Variants in SGSM1 observed in about 807,000 individuals in gnomAD.
The protein encoded by SGSM1 is small G protein signaling modulator 1.
SGSM1 carries 73 observed loss-of-function variants against 133.8 expected under a neutral mutation model. The ratio of observed to expected loss-of-function variants is 0.55; its 90% CI spans 0.45 to 0.66. The LOEUF (loss-of-function observed/expected upper bound fraction) is 0.66, where lower values mean the gene tolerates loss of function less well. SGSM1 is among the 30% of genes least tolerant of loss of function. The pLI, the probability that SGSM1 is intolerant of heterozygous loss-of-function variation, is 0.00. For synonymous variants in SGSM1, 563 were observed against 573.0 expected (o/e 0.98, Z 0.25); for missense variants, 1,213 against 1,448.1 (o/e 0.84, Z 2.64).
In SGSM1 at chr22:24,924,357, C is replaced by A; in HGVS notation, c.*83C>A. The stretch of plus-strand genomic sequence containing the variant: ...CTTTTCCTCCTGGCTGGATGGGCAC[C>A]CCGGGAGCGGGGTCCTGGTGTCTGT... On this transcript the variant is annotated 3_prime_UTR_variant, in exon 25 of 25. Coordinates refer to ENST00000400358, the MANE Select transcript of SGSM1 (RefSeq NM_001098497.3). 1 of 1,245,826 alleles carries A rather than the reference C, an allele frequency of 8.0e-7. No homozygotes were observed. Among genetic ancestry groups the A allele is most frequent in the Non-Finnish European group, 1.2e-6 (1 of 860,224 alleles). The allele number at this position is 1,245,826 out of a possible 1,614,324, so 77.2% of individuals were successfully genotyped here.
intron 2 of SGSM1, among the ~76,000 whole-genome samples, chr22:24,833,536 T>C (rs958162229): frequency 2.0e-5 from 3 of 151,986 alleles, no homozygotes; most frequent in African/African-American, 4.8e-5. Context: ...CCAGTGCCTG[T>C]AGTCCCAGCT....
At chr22:24,817,277 C>T (rs1459253917) in intron 2 of SGSM1, among the ~76,000 whole-genome samples, 29 of 152,010 alleles carry the variant, frequency 1.9e-4, no homozygotes, top group Admixed American at 1.6e-3. Context: ...TTCTATTCTA[C>T]GGGTGTGCAA....
rs1016796787 is a variant in SGSM1 at position 24,867,203 on chromosome 22, G to T, written c.994+43G>T. Reference sequence around the variant, plus strand: ...AGGAGGGGTCTGCGTATTCCTCTTGGATCCCCTGCCTGTCTCCATCCCTGC... The same window carrying T: ...AGGAGGGGTCTGCGTATTCCTCTTGTATCCCCTGCCTGTCTCCATCCCTGC... On this transcript the variant is annotated intron_variant, in intron 10 of 24. Coordinates refer to ENST00000400358, the MANE Select transcript of SGSM1 (RefSeq NM_001098497.3). 5.7e-6 allele frequency: 9 copies of T among 1,587,178 alleles called. No individual in the cohort carries two copies. In the African/African-American group the frequency reaches 1.1e-4, roughly 19 times the overall value.
intron 16 of SGSM1, among the ~76,000 whole-genome samples, chr22:24,891,031 G>A (rs1200301178): frequency 6.6e-6 from 1 of 152,216 alleles, no homozygotes; most frequent in Non-Finnish European, 1.5e-5. Context: ...AATAGAGTGA[G>A]ATTAAATGGT....
rs977645713 is a variant in SGSM1, at chr22:24,844,777, A to G, written c.64-120A>G. ...GGAGGGGGAAGGAAAGCAGGTGTCA[A>G]AACATCCCAAACAGCCTGAAAGGCC... On this transcript the variant is annotated intron_variant, in intron 2 of 24. Transcript: ENST00000400358. 1.3e-4 allele frequency: 105 copies of G among 793,956 alleles called. 2 individuals carry two copies. Among genetic ancestry groups the G allele is most frequent in the Admixed American group, 8.6e-5 (3 of 35,076 alleles). 49.2% of individuals were successfully genotyped at this position (793,956 alleles called of 1,614,324 possible). A position where few individuals can be genotyped will look rare whatever the true frequency, so the allele number is the denominator to read the frequency against.
intron 16 of SGSM1, among the ~76,000 whole-genome samples, chr22:24,890,238 G>A (rs1173943174): frequency 6.6e-6 from 1 of 152,172 alleles, no homozygotes; most frequent in Non-Finnish European, 1.5e-5. Flanking sequence ...TTACAGGCAT[G>A]AGCCACCACG....
In SGSM1 at chr22:24,884,202, A is replaced by T. The variant is rs181161364; in HGVS notation, c.1641+4A>T. 6.2e-7 allele frequency: 1 copy of T among 1,612,220 alleles called. No individual in the cohort carries two copies. Among genetic ancestry groups the T allele is most frequent in the Non-Finnish European group, 8.5e-7 (1 of 1,178,654 alleles). ...GCAGTACCTTCACGACAGCACAGTA[A>T]GGCTTAGCTGGGCTTGGTCTGCAGT... On this transcript the variant is annotated splice_donor_region_variant and intron_variant, in intron 15 of 24. Coordinates refer to ENST00000400358, the MANE Select transcript of SGSM1 (RefSeq NM_001098497.3).
intron 21 of SGSM1, among the ~76,000 whole-genome samples, chr22:24,907,542 GT>G (rs1241735964): frequency 6.6e-6 from 1 of 151,418 alleles, no homozygotes; most frequent in Admixed American, 6.6e-5. Context: ...GTTTTTTTTG[GT>G]TTTTTGGTTT....
intron 16 of SGSM1, among the ~76,000 whole-genome samples, chr22:24,886,987 A>G (rs146597442): frequency 1.3e-5 from 2 of 152,240 alleles, no homozygotes; most frequent in Admixed American, 6.5e-5. Context: ...CTTTTACCCA[A>G]TTTTTTTCTG....
chr22:24,808,188 A>T (rs1927528701), intron 2 of SGSM1, among the ~76,000 whole-genome samples: 1 of 145,848 alleles, frequency 6.9e-6, no homozygotes, highest in African/African-American at 2.6e-5. Flanking sequence ...GTCTCCACTC[A>T]CTAAAAACTC....
At chr22:24,895,357 T>C in intron 18 of SGSM1, 66 bp downstream of exon 18, 1 of 1,513,912 alleles carries the variant, frequency 6.6e-7, no homozygotes, top group East Asian at 2.4e-5. Context: ...GTCATGGGGG[T>C]TGGGTGTCCG....
At chr22:24,869,252 A>T (rs1163050248) in intron 12 of SGSM1, among the ~76,000 whole-genome samples, 2 of 152,186 alleles carry the variant, frequency 1.3e-5, no homozygotes, top group African/African-American at 4.8e-5. Flanking sequence ...CATACCCGTA[A>T]TCCTGGCACT....
chr22:24,893,049 G>C (rs934500009), intron 16 of SGSM1, among the ~76,000 whole-genome samples: 1 of 145,354 alleles, frequency 6.9e-6, no homozygotes, highest in Non-Finnish European at 1.5e-5. Context: ...GCCATACTCT[G>C]TCAAGAAAGA....
At chr22:24,830,860 G>C (rs915662983) in intron 2 of SGSM1, among the ~76,000 whole-genome samples, 2 of 152,096 alleles carry the variant, frequency 1.3e-5, no homozygotes, top group African/African-American at 4.8e-5. Context: ...TGAGTGAGCA[G>C]CTCTCCTACT....
chr22:24,864,749 G>A (rs1186349979), intron 9 of SGSM1, among the ~76,000 whole-genome samples: 2 of 152,214 alleles, frequency 1.3e-5, no homozygotes, highest in Non-Finnish European at 2.9e-5. Flanking sequence ...ACACTGGCTT[G>A]TGATGATGGT....
intron 19 of SGSM1, 106 bp from the exon 20 acceptor site, chr22:24,901,727 C>T: frequency 7.9e-7 from 1 of 1,271,808 alleles, no homozygotes; most frequent in African/African-American, 1.5e-5. Context: ...TTTTCAGTGA[C>T]AACAGGAGAG....
At chr22:24,883,932 C>T (rs768203263) in intron 14 of SGSM1, 121 bp from the exon 15 acceptor site, 4 of 1,209,422 alleles carry the variant, frequency 3.3e-6, no homozygotes, top group African/African-American at 1.5e-5. Context: ...TAGAGCAAGA[C>T]TCTGTCTCAA....
intron 13 of SGSM1, among the ~76,000 whole-genome samples, chr22:24,878,431 T>G (rs139237471): frequency 0.012 from 1,765 of 152,306 alleles, 16 homozygotes; most frequent in African/African-American, 0.04. Flanking sequence ...TGAGCAAGTC[T>G]GAGCCTCATC....
intron 4 of SGSM1, 67 bp downstream of exon 4, chr22:24,847,863 C>T (rs1930238065): frequency 1.3e-6 from 2 of 1,549,298 alleles, no homozygotes; most frequent in African/African-American, 1.4e-5. Context: ...TCCCTGGGTC[C>T]TGAGAGAGCC....
Sources: allele counts gnomAD v4.1 joint callset (sites outside exome capture counted in the v4.1 genomes callset), GRCh38; gene constraint gnomAD v4.1.1; transcripts MANE v1.5; gene names NCBI Gene and HGNC (gene_info 2026-07-23, HGNC 2026-07-21).